The following CFAP36 variants were observed in gnomAD, a reference collection of about 807,000 sequenced individuals.
CFAP36 encodes the protein cilia and flagella associated protein 36, also known as cilia- and flagella-associated protein 36.
In CFAP36, 37 loss-of-function variants were observed where a neutral mutation model predicts 50.5. The ratio of observed to expected loss-of-function variants is 0.73; its 90% CI spans 0.56 to 0.96. The LOEUF is 0.96. Among genes scored for constraint, CFAP36 ranks in the 50% least tolerant of loss-of-function variants. The probability of loss-of-function intolerance (pLI) is 0.00; values close to 1 mark genes in which losing one functional copy is unlikely to be tolerated. For synonymous variants in CFAP36, 138 were observed against 128.2 expected, an observed-to-expected ratio of 1.08 and a Z score of -0.52; for missense variants, 407 against 396.2, an observed-to-expected ratio of 1.03 and a Z score of -0.23.
chr2:55,522,511 G>A (rs1402083846), intron 2 of CFAP36, among the ~76,000 whole-genome samples: 1 of 152,050 alleles, frequency 6.6e-6, no homozygotes, highest in Non-Finnish European at 1.5e-5. Context: ...TTGAGACAGG[G>A]TCTTGCTCTG....
intron 3 of CFAP36, among the ~76,000 whole-genome samples, chr2:55,525,255 C>T (rs1368323049): frequency 6.6e-6 from 1 of 152,032 alleles, no homozygotes; most frequent in Non-Finnish European, 1.5e-5. Flanking sequence ...GGTTCGAAAC[C>T]AGCCTGGACA....
rs1292826980 is a variant in CFAP36, at chr2:55,544,946, C to G, written c.967C>G (p.Gln323Glu). 6.2e-7 allele frequency: 1 copy of G among 1,605,666 alleles called. No homozygotes were observed. Among genetic ancestry groups the G allele is most frequent in the Non-Finnish European group, 8.5e-7 (1 of 1,177,422 alleles). ...EKPEMTAEEK[Q>E]TLLKRRLLAE... is the part of the protein sequence containing the mutation. ...ACCAGAAATGACAGCAGAGGAGAAG[C>G]AAACATTACTAAAGAGGAGATTGCT... Residue 323 changes from glutamine to glutamate, a missense_variant, in exon 10 of 10, where the codon CAA becomes GAA. Transcript: ENST00000349456.
chr2:55,524,707 A>C (rs1356823401), intron 3 of CFAP36, among the ~76,000 whole-genome samples: 1 of 151,796 alleles, frequency 6.6e-6, no homozygotes, highest in Non-Finnish European at 1.5e-5. Context: ...CCAGGCCCGG[A>C]GTAGTGGCTC....
intron 3 of CFAP36, among the ~76,000 whole-genome samples, chr2:55,524,422 A>ATTTTTTTTTTT (rs57908457): frequency 4.0e-5 from 4 of 99,372 alleles, no homozygotes; most frequent in East Asian, 2.8e-4. Context: ...CACATGGCTA[A>ATTTTTTTTTTT]TTTTTTTTTT....
intron 6 of CFAP36, 138 bp downstream of exon 6, chr2:55,535,901 TTAATA>T: frequency 7.2e-7 from 1 of 1,388,594 alleles, no homozygotes; most frequent in Non-Finnish European, 9.5e-7. Flanking sequence ...ACCAATAATA[TTAATA>T]TATCAATAAT....
At chr2:55,527,582 AAAAT>A (rs56081740) in intron 3 of CFAP36, among the ~76,000 whole-genome samples, 5,524 of 151,660 alleles carry the variant, frequency 0.036, 140 homozygotes, top group South Asian at 0.09. Context: ...ACTGCATTTC[AAAAT>A]AAATAAATAA....
chr2:55,543,470 G>A (rs1684693733), intron 7 of CFAP36, among the ~76,000 whole-genome samples: 1 of 152,000 alleles, frequency 6.6e-6, no homozygotes, highest in South Asian at 2.1e-4. Flanking sequence ...TGACATTACT[G>A]GCATGCACTC....
chr2:55,532,346 C>G (rs1294181954), intron 4 of CFAP36, among the ~76,000 whole-genome samples: 1 of 152,146 alleles, frequency 6.6e-6, no homozygotes, highest in African/African-American at 2.4e-5. Flanking sequence ...AAGTCAAAGG[C>G]TCTCTGGATT....
chr2:55,544,227 C>A lies in CFAP36; in HGVS notation c.785C>A (p.Ser262Ter), dbSNP rs1198262880. Residue 262 changes from serine to a stop codon, truncating the protein, a stop_gained, in exon 9 of 10, where the codon TCA becomes TAA. Coordinates refer to ENST00000349456, the MANE Select transcript of CFAP36 (RefSeq NM_080667.7). LOFTEE classifies it high-confidence loss of function. Reference protein sequence around the residue: ...ASIEGPIANLSVLGTEELRQR... With the variant: ...ASIEGPIANL ...TTTTCTTACTTGACCCAGAACTTAT[C>A]AGTACTTGGAACAGAAGAACTTCGG... The A allele has an allele frequency of 6.2e-7, 1 of 1,612,244 alleles. No homozygotes were observed. Among genetic ancestry groups the A allele is most frequent in the Admixed American group, 1.7e-5 (1 of 59,442 alleles).
At chr2:55,538,424 A>G (rs978678666) in intron 7 of CFAP36, among the ~76,000 whole-genome samples, 2 of 150,156 alleles carry the variant, frequency 1.3e-5, no homozygotes, top group Middle Eastern at 6.9e-3. Context: ...CCTCCTGAGT[A>G]GCTGGGATTA....
Position 55,544,289 on chromosome 2 carries a change from T to C in CFAP36, c.847T>C (p.Leu283=). The C allele has an allele frequency of 6.2e-7, 1 of 1,613,922 alleles. No homozygotes were observed. The highest frequency in any genetic ancestry group is 8.5e-7 in the Non-Finnish European group (1 of 1,179,954). Reference sequence around the variant, plus strand: ...CTATCTCAAGCAGAAGAGAGATAAGTTGATGTCCATGAGAAAGGATATGAG... The same window carrying C: ...CTATCTCAAGCAGAAGAGAGATAAGCTGATGTCCATGAGAAAGGATATGAG... The part of the protein sequence containing the change: ...EHYLKQKRDK[L]MSMRKDMRTK... The change falls in exon 9 of 10, where the codon TTG becomes CTG. Residue 283 remains leucine (L), a synonymous_variant. Coordinates refer to ENST00000349456, the MANE Select transcript of CFAP36 (RefSeq NM_080667.7).
intron 1 of CFAP36, among the ~76,000 whole-genome samples, chr2:55,521,201 CT>C (rs11315249): frequency 0.21 from 28,374 of 133,994 alleles, 2,318 homozygotes; most frequent in East Asian, 0.33. Flanking sequence ...ATTTGTACTC[CT>C]TTTTTTTTTT....
chr2:55,521,861 C>T (rs545973141), intron 1 of CFAP36, among the ~76,000 whole-genome samples: 28 of 152,120 alleles, frequency 1.8e-4, no homozygotes, highest in Admixed American at 3.3e-4. Context: ...AACTCCTGAT[C>T]GTAGGTGATC....
At chr2:55,528,758 C>G (rs563434450) in intron 3 of CFAP36, 120 bp from the exon 4 acceptor site, 1 of 595,968 alleles carries the variant, frequency 1.7e-6, no homozygotes, top group Admixed American at 3.4e-5. Context: ...GACATCTAAT[C>G]ATAAATAACA....
chr2:55,521,140 GTTA>G (rs1684051000), intron 1 of CFAP36, among the ~76,000 whole-genome samples: 2 of 149,424 alleles, frequency 1.3e-5, no homozygotes, highest in South Asian at 4.2e-4. Context: ...TTATTAAAGT[GTTA>G]TTTTTACAGG....
At chr2:55,530,143 C>T (rs1278422356) in intron 4 of CFAP36, among the ~76,000 whole-genome samples, 3 of 152,088 alleles carry the variant, frequency 2.0e-5, no homozygotes, top group Admixed American at 1.3e-4. Flanking sequence ...GGCAGGTGTT[C>T]CCCATGCTGT....
chr2:55,528,753 CT>C, intron 3 of CFAP36, 124 bp from the exon 4 acceptor site: 1 of 589,944 alleles, frequency 1.7e-6, no homozygotes, highest in Non-Finnish European at 3.0e-6. Flanking sequence ...TTTGGGACAT[CT>C]AATCATAAAT....
chr2:55,526,172 A>T (rs933101246), intron 3 of CFAP36, among the ~76,000 whole-genome samples: 1 of 152,228 alleles, frequency 6.6e-6, no homozygotes, highest in Non-Finnish European at 1.5e-5. Context: ...CTCTGCCTTG[A>T]ATTATAGTTT....
At chr2:55,540,886 G>A (rs1684620854) in intron 7 of CFAP36, among the ~76,000 whole-genome samples, 1 of 152,100 alleles carries the variant, frequency 6.6e-6, no homozygotes, top group Admixed American at 6.6e-5. Flanking sequence ...GGTGGTGCAC[G>A]CCTGTAGTCC....
Sources: allele counts gnomAD v4.1 joint callset (sites outside exome capture counted in the v4.1 genomes callset), GRCh38; gene constraint gnomAD v4.1.1; transcripts MANE v1.5; gene names NCBI Gene and HGNC (gene_info 2026-07-23, HGNC 2026-07-21).